Variants in DHX35 observed in about 807,000 individuals in gnomAD.
DHX35 encodes DEAH-box helicase 35, also known as probable ATP-dependent RNA helicase DHX35.
Under a neutral mutation model 99.6 loss-of-function variants are expected in DHX35, and 84 were observed. The observed-to-expected ratio is 0.84, with a 90% CI of 0.71 to 1.01. The LOEUF is 1.01. Ranked by LOEUF, DHX35 falls within the 50% of genes least tolerant of loss-of-function variation. The pLI, the probability that DHX35 is intolerant of heterozygous loss-of-function variation, is 0.00. For missense variants in DHX35, 852 were observed against 888.5 expected (o/e 0.96, Z 0.52); for synonymous variants, 331 against 316.2 (o/e 1.05, Z -0.50).
chr20:38,992,931 T>C (rs989082731), intron 7 of DHX35, among the ~76,000 whole-genome samples: 3 of 152,210 alleles, frequency 2.0e-5, no homozygotes, highest in Non-Finnish European at 4.4e-5. Context: ...TTTAACTTTT[T>C]ATTATTAAGG....
At chr20:39,014,798 T>A in intron 13 of DHX35, 82 bp from the exon 14 acceptor site, 1 of 1,542,684 alleles carries the variant, frequency 6.5e-7, no homozygotes, top group African/African-American at 1.4e-5. Flanking sequence ...GAGGGGAGAA[T>A]GGATTTGAAA....
intron 11 of DHX35, 138 bp from the exon 12 acceptor site, chr20:39,006,006 TCA>T (rs1174523190): frequency 1.0e-6 from 1 of 975,580 alleles, no homozygotes; most frequent in African/African-American, 1.6e-5. Flanking sequence ...ACTTGGAAAC[TCA>T]CAGTCTTTCT....
chr20:38,994,642 C>G (rs972453981), intron 7 of DHX35, among the ~76,000 whole-genome samples, 179 bp from the exon 8 acceptor site: 1 of 132,640 alleles, frequency 7.5e-6, no homozygotes, highest in African/African-American at 2.8e-5. Context: ...CCCCCCCCCC[C>G]CTTTATTGAC....
chr20:39,028,008 G>T (rs1380710701), intron 18 of DHX35, among the ~76,000 whole-genome samples: 1 of 152,196 alleles, frequency 6.6e-6, no homozygotes, highest in African/African-American at 2.4e-5. Context: ...AAGTAACGTT[G>T]TATACTATCT....
rs2085954770 is a variant in DHX35, at chr20:38,969,102, G to A, written c.62G>A (p.Ser21Asn). ...GCAGGTACAGAGGGGCCAGGTGTAA[G>A]CATCTCTGAAGAGAGACAAAGTCTG... ...WRPGTEGPGV[S>N]ISEERQSLAE... Residue 21 changes from serine (S) to asparagine (N), a missense_variant, in exon 2 of 22, where the codon AGC becomes AAC. Physicochemically the swap from Ser to Asn is conservative, Grantham distance 46 (BLOSUM62 1). Transcript: ENST00000252011. The A allele has an allele frequency of 1.2e-6, 2 of 1,612,286 alleles. No homozygotes were observed. The highest frequency in any genetic ancestry group is 1.3e-5 in the African/African-American group (1 of 74,880).
chr20:38,999,510 C>A (rs894079764), intron 8 of DHX35, among the ~76,000 whole-genome samples: 7 of 152,180 alleles, frequency 4.6e-5, no homozygotes, highest in Non-Finnish European at 7.3e-5. Context: ...CTCTGATTCT[C>A]CATCTCAGTC....
chr20:39,012,743 A>G (rs2086723955), intron 13 of DHX35, among the ~76,000 whole-genome samples: 1 of 152,032 alleles, frequency 6.6e-6, no homozygotes, highest in Admixed American at 6.6e-5. Context: ...GTTGGCCAGG[A>G]TGGTCTTGAA....
intron 9 of DHX35, among the ~76,000 whole-genome samples, 191 bp downstream of exon 9, chr20:39,002,033 A>G (rs185917320): frequency 2.6e-5 from 4 of 152,328 alleles, no homozygotes; most frequent in African/African-American, 9.6e-5. Context: ...GTTCACACTG[A>G]CATGCAAGTT....
In DHX35 at chr20:38,974,475, C is replaced by T. The variant is rs370858081; in HGVS notation, c.267+1824C>T. ...GACTGATCACGACTTGCTGCCTTGG[C>T]GAACAGTGCTAGTATTAAATGTGAT... On this transcript the variant is annotated intron_variant, in intron 3 of 21. Coordinates refer to ENST00000252011, the MANE Select transcript of DHX35 (RefSeq NM_021931.4). Among the ~76,000 whole-genome samples, 25 of 152,202 alleles carry T rather than the reference C, an allele frequency of 1.6e-4. No homozygotes were observed. In the East Asian group the frequency reaches 2.5e-3, roughly 15 times the overall value.
intron 11 of DHX35, 125 bp downstream of exon 11, chr20:39,004,032 T>A (rs2086570410): frequency 9.3e-7 from 1 of 1,071,044 alleles, no homozygotes; most frequent in South Asian, 1.6e-5. Context: ...GTGTAGTAGA[T>A]CTAAAAGCAC....
intron 11 of DHX35, among the ~76,000 whole-genome samples, chr20:39,004,334 G>A (rs1452619635): frequency 6.6e-6 from 1 of 152,128 alleles, no homozygotes; most frequent in Non-Finnish European, 1.5e-5. Flanking sequence ...CAAAGTGCTG[G>A]GATTACAGGC....
intron 3 of DHX35, among the ~76,000 whole-genome samples, chr20:38,979,886 C>T (rs1197598817): frequency 2.7e-5 from 4 of 147,014 alleles, no homozygotes; most frequent in African/African-American, 1.0e-4. Flanking sequence ...GGGCTATGAA[C>T]ACAAGCTCTT....
Position 39,023,702 on chromosome 20 carries a change from C to T in DHX35, c.1606C>T (p.Arg536Cys), listed in dbSNP as rs139475074. The T allele has an allele frequency of 4.5e-4, 733 of 1,613,910 alleles. 4 individuals carry two copies. The highest frequency in any genetic ancestry group is 1.3e-4 in the Admixed American group (8 of 59,992). The change falls in exon 17 of 22, where the codon CGT becomes TGT. Residue 536 changes from arginine (R) to cysteine (C), a missense_variant. Transcript: ENST00000252011. ...NQKSHAIRVH[R>C]KFAVEEGDHL... ...TCATTCTTTCCAGATTCGAGTGCAC[C>T]GTAAATTTGCTGTGGAGGAGGGCGA...
intron 8 of DHX35, among the ~76,000 whole-genome samples, chr20:39,000,735 G>A (rs188543592): frequency 1.3e-5 from 2 of 152,286 alleles, no homozygotes; most frequent in East Asian, 3.9e-4. Context: ...GGTACATAGG[G>A]AAATAAAGAC....
chr20:38,974,169 AG>A (rs1209638093), intron 3 of DHX35, among the ~76,000 whole-genome samples: 1 of 152,222 alleles, frequency 6.6e-6, no homozygotes, highest in Admixed American at 6.5e-5. Context: ...CAATATGACA[AG>A]CTGAGCTTTA....
chr20:38,974,839 G>T (rs913384696), intron 3 of DHX35, among the ~76,000 whole-genome samples: 2 of 152,204 alleles, frequency 1.3e-5, no homozygotes, highest in African/African-American at 4.8e-5. Context: ...AGAAAGCAAA[G>T]ACAGAGTGAG....
chr20:39,033,840 C>T (rs1405287530), intron 20 of DHX35, among the ~76,000 whole-genome samples: 1 of 152,192 alleles, frequency 6.6e-6, no homozygotes, highest in Non-Finnish European at 1.5e-5. Context: ...TCTTTACAGT[C>T]AGTTCCCAGC....
chr20:39,020,086 C>A (rs2086849192), intron 15 of DHX35, among the ~76,000 whole-genome samples: 1 of 152,158 alleles, frequency 6.6e-6, no homozygotes, highest in Non-Finnish European at 1.5e-5. Flanking sequence ...TTTAAGGCTG[C>A]ATGTTATTTC....
chr20:38,991,565 G>C, intron 6 of DHX35, 50 bp downstream of exon 6: 2 of 1,548,410 alleles, frequency 1.3e-6, no homozygotes, highest in Non-Finnish European at 1.8e-6. Context: ...AAGTCCCCAG[G>C]TAGACGGAGA....
Sources: gnomAD v4.1 joint callset for allele counts (sites outside exome capture counted in the v4.1 genomes callset) on GRCh38, gnomAD v4.1.1 for gene constraint, MANE v1.5 for transcripts, NCBI Gene and HGNC (gene_info 2026-07-23, HGNC 2026-07-21) for gene names.